The following ZFHX3 variants were observed in gnomAD, a reference collection of about 807,000 sequenced individuals.
ZFHX3 encodes zinc finger homeobox 3.
Under a neutral mutation model 279.1 loss-of-function variants are expected in ZFHX3, and 42 were observed. The ratio of observed to expected loss-of-function variants is 0.15; its 90% CI spans 0.12 to 0.19. ZFHX3 has a LOEUF of 0.19. Among genes scored for constraint, ZFHX3 ranks in the 10% least tolerant of loss-of-function variants. ZFHX3 has a pLI of 1.00. For missense variants in ZFHX3, 4,981 were observed against 4,754.0 expected, an observed-to-expected ratio of 1.05 and a Z score of -1.40; for synonymous variants, 2,293 against 1,957.8, an observed-to-expected ratio of 1.17 and a Z score of -4.52.
At chr16:73,234,419 G>GT (rs1034083551) in intron 5 of ZFHX3, among the ~76,000 whole-genome samples, 8 of 152,076 alleles carry the variant, frequency 5.3e-5, no homozygotes, top group African/African-American at 1.2e-4. Context: ...TTTTGTGTTT[G>GT]TTTTTTTGTT....
intron 5 of ZFHX3, among the ~76,000 whole-genome samples, chr16:73,215,977 A>C (rs750272300): frequency 3.3e-5 from 5 of 152,176 alleles, no homozygotes; most frequent in Non-Finnish European, 7.3e-5. Flanking sequence ...AGATGATCTC[A>C]CATGAGAATG....
chr16:73,055,677 TACGCGCGC>T (rs1261948783), intron 1 of ZFHX3, among the ~76,000 whole-genome samples: 50 of 91,382 alleles, frequency 5.5e-4, no homozygotes, highest in Non-Finnish European at 8.0e-4. Flanking sequence ...GGTGCAGACG[TACGCGCGC>T]GCGCGCGCGC....
intron 2 of ZFHX3, among the ~76,000 whole-genome samples, chr16:73,537,314 C>CTTCT (rs2019919924): frequency 1.3e-5 from 1 of 77,626 alleles, no homozygotes; most frequent in Admixed American, 1.9e-4. Context: ...CTTTCTTCTT[C>CTTCT]TTTTTTTTTT....
At chr16:73,199,296 C>A (rs1265230773) in intron 5 of ZFHX3, among the ~76,000 whole-genome samples, 1 of 152,128 alleles carries the variant, frequency 6.6e-6, no homozygotes, top group African/African-American at 2.4e-5. Context: ...AGGTAGACAC[C>A]TAAGGTGACA....
At chr16:73,613,001 G>A (rs2052263056) in intron 2 of ZFHX3, among the ~76,000 whole-genome samples, 1 of 152,196 alleles carries the variant, frequency 6.6e-6, no homozygotes, top group Non-Finnish European at 1.5e-5. Context: ...AAAAAAATTA[G>A]AGGAGAAAAT....
intron 5 of ZFHX3, among the ~76,000 whole-genome samples, chr16:73,195,984 C>T (rs533812388): frequency 7.9e-4 from 121 of 152,252 alleles, no homozygotes; most frequent in Non-Finnish European, 1.5e-3. Context: ...CATTGCCTAA[C>T]ACACATGCCG....
chr16:72,948,757 C>A (rs776268119), intron 3 of ZFHX3, among the ~76,000 whole-genome samples: 5 of 152,188 alleles, frequency 3.3e-5, no homozygotes, highest in Non-Finnish European at 7.3e-5. Context: ...AATGGCCACG[C>A]CGAGTCCTTT....
intron 1 of ZFHX3, among the ~76,000 whole-genome samples, chr16:73,736,820 A>T (rs369972379): frequency 1.5e-4 from 23 of 152,176 alleles, no homozygotes; most frequent in Non-Finnish European, 2.4e-4. Flanking sequence ...GCAGGCACCA[A>T]CCCAAACAGG....
intron 7 of ZFHX3, among the ~76,000 whole-genome samples, chr16:73,129,642 G>C (rs774162309): frequency 2.0e-5 from 3 of 151,238 alleles, no homozygotes; most frequent in Non-Finnish European, 4.4e-5. Flanking sequence ...GTGTGTGCGT[G>C]TGCGTGTGTG....
At chr16:73,836,640 C>T (rs1261263829) in intron 1 of ZFHX3, among the ~76,000 whole-genome samples, 1 of 152,190 alleles carries the variant, frequency 6.6e-6, no homozygotes, top group Non-Finnish European at 1.5e-5. Flanking sequence ...ATTAACTGGT[C>T]ACATCCAAGC....
chr16:73,653,353 T>C (rs917411815), intron 2 of ZFHX3, among the ~76,000 whole-genome samples: 2 of 152,206 alleles, frequency 1.3e-5, no homozygotes, highest in Non-Finnish European at 1.5e-5. Flanking sequence ...AAGCAAGTTT[T>C]AAACAACTTC....
intron 1 of ZFHX3, among the ~76,000 whole-genome samples, chr16:73,737,409 C>T (rs1007796148): frequency 7.2e-5 from 11 of 152,272 alleles, no homozygotes; most frequent in Non-Finnish European, 1.5e-4. Flanking sequence ...ATTTAACCTG[C>T]TCTCCAAGCT....
At chr16:73,794,488 A>T (rs1029267324) in intron 1 of ZFHX3, 3 of 152,212 alleles carry the variant, frequency 2.0e-5, no homozygotes, top group Non-Finnish European at 2.9e-5. Context: ...AGGGTAAAAG[A>T]CACTCAACAC....
rs117756952 is a variant in ZFHX3, at chr16:73,753,200, G to T, written c.-1607-72960C>A. On this transcript the variant is annotated intron_variant, in intron 1 of 17. Transcript: ENST00000641206. ...CAGTGCTATTGGCTGTGAGTTTGAG[G>T]TAGAAGGCTGGCAAGACTTGTGTTC... Among the ~76,000 whole-genome samples, 1,119 of 152,276 alleles carry T rather than the reference G, an allele frequency of 7.3e-3. 10 individuals carry two copies. The highest frequency in any genetic ancestry group is 0.02 in the Middle Eastern group (6 of 294).
At chr16:73,350,621 G>C (rs2016222573) in intron 3 of ZFHX3, among the ~76,000 whole-genome samples, 1 of 152,164 alleles carries the variant, frequency 6.6e-6, no homozygotes, top group Non-Finnish European at 1.5e-5. Flanking sequence ...GCCCTATGTG[G>C]GATTTCTCGG....
intron 1 of ZFHX3, among the ~76,000 whole-genome samples, chr16:73,710,874 G>T (rs2053355685): frequency 6.6e-6 from 1 of 152,142 alleles, no homozygotes; most frequent in African/African-American, 2.4e-5. Flanking sequence ...ACTTTAAGTG[G>T]CCGTGCTGAG....
intron 1 of ZFHX3, among the ~76,000 whole-genome samples, chr16:73,013,202 T>C (rs957333831): frequency 6.6e-6 from 1 of 152,222 alleles, no homozygotes; most frequent in East Asian, 1.9e-4. Flanking sequence ...TAAAGTGTGG[T>C]ATCAATCTCC....
At chr16:72,923,003 A>G (rs1317365853) in intron 3 of ZFHX3, among the ~76,000 whole-genome samples, 1 of 152,232 alleles carries the variant, frequency 6.6e-6, no homozygotes, top group Non-Finnish European at 1.5e-5. Context: ...GCACTATACT[A>G]TACATGAAAA....
rs532202703 is a variant in ZFHX3 at position 73,467,197 on chromosome 16, G to A, written c.-1546-10939C>T. Among the ~76,000 whole-genome samples, 3 of 152,350 alleles carry A rather than the reference G, an allele frequency of 2.0e-5. No homozygotes were observed. The South Asian group carries it at 6.2e-4, about 32-fold the overall frequency. ...GTCAGGAAAAGAGAGGGAGACCTAT[G>A]GAGCTCACGGAAACGTAGAGAACAG... On this transcript the variant is annotated intron_variant, in intron 2 of 17. Coordinates refer to the ZFHX3 transcript ENST00000641206.
Sources: gnomAD v4.1 joint callset for allele counts (sites outside exome capture counted in the v4.1 genomes callset) on GRCh38, gnomAD v4.1.1 for gene constraint, MANE v1.5 for transcripts, NCBI Gene and HGNC (gene_info 2026-07-23, HGNC 2026-07-21) for gene names.